The following RIPK3 variants were observed in gnomAD, a reference collection of about 807,000 sequenced individuals.
RIPK3 encodes the protein receptor interacting serine/threonine kinase 3.
Under a neutral mutation model 51.6 loss-of-function variants are expected in RIPK3, and 51 were observed. The observed-to-expected ratio is 0.99, with a 90% CI of 0.79 to 1.25. RIPK3 has a LOEUF of 1.25. RIPK3 is among the 50% of genes most tolerant of loss of function. The probability of loss-of-function intolerance (pLI) is 0.00; values close to 1 mark genes in which losing one functional copy is unlikely to be tolerated. For synonymous variants in RIPK3, 246 were observed against 257.7 expected (o/e 0.95, Z 0.44); for missense variants, 654 against 650.4 (o/e 1.01, Z -0.06).
intron 3 of RIPK3, 162 bp from the exon 4 acceptor site, chr14:24,338,729 A>C: frequency 9.8e-7 from 1 of 1,021,840 alleles, no homozygotes. Flanking sequence ...GCCTTGTGGT[A>C]GGGCTAGGTC....
Position 24,337,109 on chromosome 14 carries a change from T to A in RIPK3, c.1252A>T (p.Ser418Cys). The change falls in exon 8 of 10, where the codon AGT becomes TGT. Residue 418 changes from serine (S) to cysteine (C), a missense_variant. Transcript: ENST00000216274. ...MPSPTSTGTP[S>C]PGPRGNQGAE... ...ACCTGATTCCCTCGGGGTCCAGGAC[T>A]TGGTGTTCCAGTTGAGGTAGGGCTG... 1 of 1,611,376 alleles carries A rather than the reference T, an allele frequency of 6.2e-7. No individual in the cohort carries two copies. Among genetic ancestry groups the A allele is most frequent in the Non-Finnish European group, 8.5e-7 (1 of 1,180,018 alleles).
rs751651746 is a variant in RIPK3 at position 24,339,984 on chromosome 14, C to CT, written c.-159dup. On this transcript the variant is annotated 5_prime_UTR_variant, in exon 1 of 10. Transcript: ENST00000216274. The surrounding 1 kb of genome is among the most constrained non-coding windows in gnomAD (Gnocchi z 4.0). ...TGAGTCTACTTTCCGGGTTGTTACCCTTTTTCCGAGTTGACTGAACAACTT... is the reference window on the plus strand; with the variant it reads ...TGAGTCTACTTTCCGGGTTGTTACCCTTTTTTCCGAGTTGACTGAACAACTT... 44 of 729,422 alleles carry CT rather than the reference C, an allele frequency of 6.0e-5. No homozygotes were observed. The highest frequency in any genetic ancestry group is 8.4e-5 in the Non-Finnish European group (40 of 478,864). 45.2% of individuals were successfully genotyped at this position (729,422 alleles called of 1,614,324 possible).
In RIPK3 at chr14:24,336,343, GT is replaced by G; in HGVS notation, c.1388del (p.Asn463ThrfsTer4). 6.2e-7 allele frequency: 1 copy of G among 1,613,908 alleles called. No individual in the cohort carries two copies. The highest frequency in any genetic ancestry group is 8.5e-7 in the Non-Finnish European group (1 of 1,180,044). On this transcript the variant is annotated frameshift_variant, in exon 10 of 10. Coordinates refer to ENST00000216274, the MANE Select transcript of RIPK3 (RefSeq NM_006871.4). LOFTEE classifies it low-confidence loss of function (END_TRUNC). Reference sequence around the variant, plus strand: ...TTGTCTGTTGCATAGTCAAGTAGTTGTTGTCTCCAACTTGCACCCCAGAGCA... The same window carrying G: ...TTGTCTGTTGCATAGTCAAGTAGTTGTGTCTCCAACTTGCACCCCAGAGCA... ...YNCSGVQVGD[N>X]NYLTMQQTTA...
intron 7 of RIPK3, 59 bp downstream of exon 7, chr14:24,337,636 G>T: frequency 2.6e-6 from 4 of 1,541,842 alleles, no homozygotes; most frequent in Non-Finnish European, 2.7e-6. Flanking sequence ...TGGATGGCCA[G>T]GTAGCCACGC....
At position 24,337,617 on chromosome 14, in the gene RIPK3, G is replaced by A. The variant is rs1467130528; in HGVS notation, c.900+78C>T. On this transcript the variant is annotated intron_variant, in intron 7 of 9. Coordinates refer to ENST00000216274, the MANE Select transcript of RIPK3 (RefSeq NM_006871.4). ...AAGGCATAAAAAGCAGTGGTCAGTG[G>A]TGAGTCATTGGATGGCCAGGTAGCC... 3.3e-6 allele frequency: 5 copies of A among 1,537,764 alleles called. No individual in the cohort carries two copies. The South Asian group carries it at 4.5e-5, about 14-fold the overall frequency.
chr14:24,338,377 A>G (rs748640778), intron 4 of RIPK3, 45 bp downstream of exon 4: 4 of 1,581,766 alleles, frequency 2.5e-6, no homozygotes, highest in Middle Eastern at 1.7e-4. Context: ...GAGGGCCCAG[A>G]GAAGTGTAGG....
At position 24,339,550 on chromosome 14, in the gene RIPK3, T is replaced by A; in HGVS notation, c.68A>T (p.Asn23Ile). Residue 23 changes from asparagine to isoleucine, a missense_variant, in exon 2 of 10, where the codon AAC (asparagine) becomes ATC (isoleucine). By Grantham distance (149) the Asn-to-Ile change is moderately radical (BLOSUM62 -3). Transcript: ENST00000216274. The surrounding 1 kb of genome is among the most constrained non-coding windows in gnomAD (Gnocchi z 4.0). ...CCCGCCTTTGCCGACGAGCTCCTGG[T>A]TCTCCAGTTCCTCGATGGACACCAA... ...APLVSIEELE[N>I]QELVGKGGFG... 2 of 1,614,054 alleles carry A rather than the reference T, an allele frequency of 1.2e-6. No individual in the cohort carries two copies. Among genetic ancestry groups the A allele is most frequent in the South Asian group, 2.2e-5 (2 of 91,070 alleles).
At chr14:24,338,166 G>A in intron 5 of RIPK3, 83 bp downstream of exon 5, 1 of 1,554,872 alleles carries the variant, frequency 6.4e-7, no homozygotes, top group Non-Finnish European at 8.8e-7. Flanking sequence ...AGTCTAAGTA[G>A]GTGAGCGGGA....
At position 24,339,218 on chromosome 14, in the gene RIPK3, G is replaced by A. The variant is rs762555999; in HGVS notation, c.268C>T (p.Pro90Ser). The change falls in exon 3 of 10, where the codon CCG (proline) becomes TCG (serine). Residue 90 changes from proline (P) to serine (S), a missense_variant. By Grantham distance (74) the Pro-to-Ser change is moderately conservative. Transcript: ENST00000216274. The surrounding 1 kb of genome is among the most constrained non-coding windows in gnomAD (Gnocchi z 4.0). ...TCCATGAATTTAGTCACCAGAGCCG[G>A]CTTGGGATCTTGGTCCCAGTTCACC... ...EKVNWDQDPK[P>S]ALVTKFMENG... 6.2e-7 allele frequency: 1 copy of A among 1,614,240 alleles called. No homozygotes were observed. Among genetic ancestry groups the A allele is most frequent in the South Asian group, 1.1e-5 (1 of 91,084 alleles).
In RIPK3 at chr14:24,336,038, T is replaced by G; in HGVS notation, c.*137A>C. On this transcript the variant is annotated 3_prime_UTR_variant, in exon 10 of 10. Coordinates refer to ENST00000216274, the MANE Select transcript of RIPK3 (RefSeq NM_006871.4). Reference sequence around the variant, plus strand: ...GCTCAGACTGACTAGCATTCCATCATGTTTATTGACTCCTGGGGGACAGGT... The same window carrying G: ...GCTCAGACTGACTAGCATTCCATCAGGTTTATTGACTCCTGGGGGACAGGT... 8.7e-6 allele frequency: 7 copies of G among 805,436 alleles called. No homozygotes were observed. The highest frequency in any genetic ancestry group is 2.9e-5 in the East Asian group (1 of 34,948). The allele number at this position is 805,436 out of a possible 1,614,324, so 49.9% of individuals were successfully genotyped here. A position where few individuals can be genotyped will look rare whatever the true frequency, so the allele number is the denominator to read the frequency against.
Position 24,339,834 on chromosome 14 carries a change from GA to G in RIPK3, c.-9del. 6.4e-7 allele frequency: 1 copy of G among 1,565,504 alleles called. No homozygotes were observed. Among genetic ancestry groups the G allele is most frequent in the Non-Finnish European group, 8.6e-7 (1 of 1,159,332 alleles). ...TAACTTGACGCACGACATCAGGCTG[GA>G]AGGTGCCAGGGGGCCTCTGGAAATT... On this transcript the variant is annotated 5_prime_UTR_variant, in exon 1 of 10. Coordinates refer to ENST00000216274, the MANE Select transcript of RIPK3 (RefSeq NM_006871.4). The surrounding 1 kb of genome is among the most constrained non-coding windows in gnomAD (Gnocchi z 4.0).
At chr14:24,338,603 A>G (rs752277743) in intron 3 of RIPK3, 36 bp from the exon 4 acceptor site, 1 of 1,576,404 alleles carries the variant, frequency 6.3e-7, no homozygotes, top group Non-Finnish European at 8.7e-7. Flanking sequence ...GGTAGGGAAG[A>G]CAAGGGGGCC....
At chr14:24,337,566 G>A (rs1398248609) in intron 7 of RIPK3, 106 bp from the exon 8 acceptor site, 9 of 1,595,628 alleles carry the variant, frequency 5.6e-6, no homozygotes, top group Admixed American at 3.3e-5. Context: ...CTCAGGGGTG[G>A]GCTGGGGACG....
Position 24,336,310 on chromosome 14 carries a change from CAAGGCAGTTGTCTG to C in RIPK3, c.1408_1421del (p.Gln470AlafsTer27), listed in dbSNP as rs775963920. ...CCGAAGGTGCCAAGCCCCATGTGGGCAAGGCAGTTGTCTGTTGCATAGTCAAGTAGTTGTTGTCT... is the reference window on the plus strand; with the variant it reads ...CCGAAGGTGCCAAGCCCCATGTGGGCTTGCATAGTCAAGTAGTTGTTGTCT... On this transcript the variant is annotated frameshift_variant, in exon 10 of 10. Transcript: ENST00000216274. LOFTEE classifies it low-confidence loss of function (END_TRUNC). 1.6e-4 allele frequency: 266 copies of C among 1,613,866 alleles called. No homozygotes were observed. The highest frequency in any genetic ancestry group is 2.1e-4 in the Non-Finnish European group (242 of 1,180,024).
Position 24,338,238 on chromosome 14 carries a change from T to G in RIPK3, c.664+11A>C. 1 of 1,529,972 alleles carries G rather than the reference T, an allele frequency of 6.5e-7. No individual in the cohort carries two copies. The highest frequency in any genetic ancestry group is 8.8e-7 in the Non-Finnish European group (1 of 1,139,282). The allele number at this position is 1,529,972 out of a possible 1,614,324, so 94.8% of individuals were successfully genotyped here. ...GGGGTTAAGGATCCCAGAATCCTCCTAGAGTCTTACACTCAACTTCTCTTC... is the reference window on the plus strand; with the variant it reads ...GGGGTTAAGGATCCCAGAATCCTCCGAGAGTCTTACACTCAACTTCTCTTC... On this transcript the variant is annotated intron_variant, in intron 5 of 9. Transcript: ENST00000216274.
intron 9 of RIPK3, 167 bp downstream of exon 9, chr14:24,336,718 C>A (rs1594676941): frequency 2.6e-6 from 2 of 760,964 alleles, no homozygotes; most frequent in Non-Finnish European, 4.6e-6. Flanking sequence ...CCTCAGAGGG[C>A]TCCTTTCTCA....
At position 24,336,059 on chromosome 14, in the gene RIPK3, C is replaced by T. The variant is rs1190465997; in HGVS notation, c.*116G>A. The T allele has an allele frequency of 4.0e-6, 4 of 1,010,534 alleles. No homozygotes were observed. The highest frequency in any genetic ancestry group is 5.7e-6 in the Non-Finnish European group (4 of 696,682). The allele number at this position is 1,010,534 out of a possible 1,614,324, so 62.6% of individuals were successfully genotyped here. ...ATCATGTTTATTGACTCCTGGGGGA[C>T]AGGTCACAAAGTCAGTTTGTGGGCA... On this transcript the variant is annotated 3_prime_UTR_variant, in exon 10 of 10. Transcript: ENST00000216274.
chr14:24,339,079 G>A lies in RIPK3; in HGVS notation c.407C>T (p.Pro136Leu), dbSNP rs886618062. Residue 136 changes from proline (P) to leucine (L), a missense_variant, in exon 3 of 10, where the codon CCG (proline) becomes CTG (leucine). Pro to Leu is a moderately conservative substitution (Grantham distance 98, BLOSUM62 -3). Transcript: ENST00000216274. This position sits in a 1 kb window ranked among gnomAD's most constrained non-coding sequence, Gnocchi z 4.0. ...LGMFYLHDQN[P>L]VLLHRDLKPS... ...CTTGAGGTCCCGGTGCAGGAGCACC[G>A]GGTTCTGGTCGTGCAGGTAAAACAT... 4 of 1,614,150 alleles carry A rather than the reference G, an allele frequency of 2.5e-6. No homozygotes were observed. The highest frequency in any genetic ancestry group is 1.3e-5 in the African/African-American group (1 of 75,056).
In RIPK3 at chr14:24,337,894, T is replaced by C. The variant is rs1389631101; in HGVS notation, c.811A>G (p.Lys271Glu). Residue 271 changes from lysine to glutamate, a missense_variant, in exon 6 of 10, where the codon AAG (lysine) becomes GAG (glutamate). Transcript: ENST00000216274. ...LMQLCWSSEP[K>E]DRPSFQECLP... ...TCACCCTGGAAGGAGGGTCTGTCCT[T>C]GGGCTCACTGCTCCAGCAGAGCTGC... 1.2e-6 allele frequency: 2 copies of C among 1,614,180 alleles called. No individual in the cohort carries two copies. Among genetic ancestry groups the C allele is most frequent in the African/African-American group, 1.3e-5 (1 of 75,048 alleles).
Sources: allele counts gnomAD v4.1 joint callset, GRCh38; gene constraint gnomAD v4.1.1; non-coding constraint Gnocchi (gnomAD v3.1); transcripts MANE v1.5; gene names NCBI Gene and HGNC (gene_info 2026-07-23, HGNC 2026-07-21).